The following ARSB variants were observed in gnomAD, a reference collection of about 807,000 sequenced individuals.
ARSB encodes the protein N-acetylgalactosamine-4-sulfatase.
Under a neutral mutation model 50.9 loss-of-function variants are expected in ARSB, and 41 were observed. That is an observed-to-expected ratio of 0.81 (90% CI 0.63 to 1.04). The LOEUF (loss-of-function observed/expected upper bound fraction) is 1.04. ARSB is among the 50% of genes least tolerant of loss of function. The pLI is 0.00. For missense variants in ARSB, 672 were observed against 693.3 expected, an observed-to-expected ratio of 0.97 and a Z score of 0.35; for synonymous variants, 269 against 284.8, an observed-to-expected ratio of 0.94 and a Z score of 0.56.
intron 4 of ARSB, among the ~76,000 whole-genome samples, chr5:78,940,723 C>T (rs1750872930): frequency 6.6e-6 from 1 of 152,266 alleles, no homozygotes; most frequent in Admixed American, 6.5e-5. Context: ...TAGTGTGATG[C>T]CTCCAGCTTT....
At chr5:78,854,632 C>A (rs75660712) in intron 5 of ARSB, among the ~76,000 whole-genome samples, 19,263 of 152,144 alleles carry the variant, frequency 0.13, 1,388 homozygotes, top group Middle Eastern at 0.21. Context: ...AAGGTTTTCT[C>A]TTGTTTCTCT....
At chr5:78,920,272 G>A (rs909628035) in intron 4 of ARSB, among the ~76,000 whole-genome samples, 6 of 152,174 alleles carry the variant, frequency 3.9e-5, no homozygotes, top group African/African-American at 1.4e-4. Flanking sequence ...GGCTGGATGC[G>A]GTGGCTCACA....
chr5:78,940,015 C>T (rs1260103536), intron 4 of ARSB, among the ~76,000 whole-genome samples: 1 of 152,196 alleles, frequency 6.6e-6, no homozygotes, highest in Non-Finnish European at 1.5e-5. Flanking sequence ...TTTTGTTTTG[C>T]ATTTCTCTGA....
intron 4 of ARSB, among the ~76,000 whole-genome samples, chr5:78,945,906 C>G (rs1347747208): frequency 6.6e-6 from 1 of 152,180 alleles, no homozygotes; most frequent in Non-Finnish European, 1.5e-5. Context: ...ACCCTGGGCT[C>G]TGAGAGGTGG....
At chr5:78,882,108 C>T (rs533410949) in intron 5 of ARSB, among the ~76,000 whole-genome samples, 9 of 152,218 alleles carry the variant, frequency 5.9e-5, no homozygotes, top group Admixed American at 2.0e-4. Flanking sequence ...GGGTTGGACC[C>T]GCTCTGGAAT....
At chr5:78,912,555 A>G (rs1387500743) in intron 4 of ARSB, among the ~76,000 whole-genome samples, 2 of 152,212 alleles carry the variant, frequency 1.3e-5, no homozygotes, top group African/African-American at 4.8e-5. Flanking sequence ...AGCACATTTC[A>G]GGGAAAAGCA....
chr5:78,834,635 A>G (rs953509716), intron 6 of ARSB, among the ~76,000 whole-genome samples: 2 of 131,300 alleles, frequency 1.5e-5, no homozygotes, highest in Non-Finnish European at 3.1e-5. Context: ...ATATATATAT[A>G]TATATATATA....
intron 6 of ARSB, among the ~76,000 whole-genome samples, chr5:78,829,752 A>C (rs893184401): frequency 6.6e-6 from 1 of 152,260 alleles, no homozygotes; most frequent in African/African-American, 2.4e-5. Flanking sequence ...AATTCTGACA[A>C]GATCAATAAA....
intron 5 of ARSB, among the ~76,000 whole-genome samples, chr5:78,853,528 G>C (rs1369792488): frequency 6.6e-6 from 1 of 152,248 alleles, no homozygotes; most frequent in African/African-American, 2.4e-5. Flanking sequence ...ACTTGAGGAG[G>C]CAGTCTGCCC....
chr5:78,897,585 A>G lies in ARSB; in HGVS notation c.899-11758T>C, dbSNP rs1428697691. The stretch of plus-strand genomic sequence containing the variant: ...TGTAAATGATATATATATAATCACA[A>G]AGTCAATTAATTGATTTACAAAGTA... On this transcript the variant is annotated intron_variant, in intron 4 of 7. Coordinates refer to ENST00000264914, the MANE Select transcript of ARSB (RefSeq NM_000046.5). Among the ~76,000 whole-genome samples, 6 of 152,146 alleles carry G rather than the reference A, an allele frequency of 3.9e-5. No homozygotes were observed. In the East Asian group the frequency reaches 1.2e-3, roughly 29 times the overall value.
Position 78,964,573 on chromosome 5 carries a change from TG to T in ARSB, c.532del (p.His178MetfsTer6). 6.2e-7 allele frequency: 1 copy of T among 1,613,916 alleles called. No individual in the cohort carries two copies. Among genetic ancestry groups the T allele is most frequent in the East Asian group, 2.2e-5 (1 of 44,882 alleles). ...YLLGSEDYYSHERCTLIDALN... is the reference protein window; with the variant it reads ...YLLGSEDYYSXERCTLIDALN... ...AGCGTCAATTAATGTACAGCGTTCA[TG>T]GGAATAATAATCTTCACTACCCAGG... On this transcript the variant is annotated frameshift_variant, in exon 3 of 8. Coordinates refer to ENST00000264914, the MANE Select transcript of ARSB (RefSeq NM_000046.5). LOFTEE classifies it high-confidence loss of function.
At position 78,960,007 on chromosome 5, in the gene ARSB, G is replaced by T. The variant is rs1052503981; in HGVS notation, c.690+4409C>A. 2.0e-5 allele frequency among the ~76,000 whole-genome samples: 3 copies of T among 152,158 alleles called. No individual in the cohort carries two copies. In the East Asian group the frequency reaches 5.8e-4, roughly 29 times the overall value. On this transcript the variant is annotated intron_variant, in intron 3 of 7. Coordinates refer to ENST00000264914, the MANE Select transcript of ARSB (RefSeq NM_000046.5). ...AAAGCCAGCAGCTGCCATCACTGGA[G>T]CCTGATCTCTCCCCTGCTTTTTCTT...
chr5:78,783,044 C>G (rs1748968792), intron 6 of ARSB, among the ~76,000 whole-genome samples: 1 of 152,142 alleles, frequency 6.6e-6, no homozygotes, highest in Non-Finnish European at 1.5e-5. Flanking sequence ...GGTGGGTCCA[C>G]AAGGGCCCTC....
intron 7 of ARSB, among the ~76,000 whole-genome samples, chr5:78,781,645 G>A (rs561135933): frequency 6.6e-6 from 1 of 152,312 alleles, no homozygotes; most frequent in South Asian, 2.1e-4. Context: ...AGTGAGGTAA[G>A]TGGTAGGGCT....
chr5:78,867,603 G>C (rs918506763), intron 5 of ARSB, among the ~76,000 whole-genome samples: 5 of 152,066 alleles, frequency 3.3e-5, no homozygotes, highest in African/African-American at 9.7e-5. Context: ...CTGCAGCTGA[G>C]GGTCCTGTCT....
At chr5:78,886,593 T>C (rs1021369495) in intron 4 of ARSB, among the ~76,000 whole-genome samples, 3 of 152,136 alleles carry the variant, frequency 2.0e-5, no homozygotes, top group Admixed American at 2.0e-4. Flanking sequence ...TGAAGTTAAG[T>C]ATCTTCCCAG....
chr5:78,905,646 G>A (rs1010693257), intron 4 of ARSB, among the ~76,000 whole-genome samples: 3 of 152,026 alleles, frequency 2.0e-5, no homozygotes, highest in African/African-American at 4.8e-5. Context: ...TTGAGTTTTC[G>A]AAGCCTCTGC....
In ARSB at chr5:78,859,687, A is replaced by C. The variant is rs145616379; in HGVS notation, c.1143-20261T>G. Among the ~76,000 whole-genome samples, 379 of 152,258 alleles carry C rather than the reference A, an allele frequency of 2.5e-3. 1 individual carries two copies. Among genetic ancestry groups the C allele is most frequent in the African/African-American group, 8.9e-3 (371 of 41,558 alleles). The stretch of plus-strand genomic sequence containing the variant: ...GATGGATTTGCTTTGCCTCCATCGA[A>C]TGATGGGACTCAGGGGCTATGCTAA... On this transcript the variant is annotated intron_variant, in intron 5 of 7. Transcript: ENST00000264914.
chr5:78,895,347 G>A (rs60104947), intron 4 of ARSB, among the ~76,000 whole-genome samples: 5,758 of 152,172 alleles, frequency 0.038, 365 homozygotes, highest in African/African-American at 0.13. Flanking sequence ...CCACACTGAC[G>A]TATATTGAAG....
Sources: allele counts gnomAD v4.1 joint callset (sites outside exome capture counted in the v4.1 genomes callset), GRCh38; gene constraint gnomAD v4.1.1; transcripts MANE v1.5; gene names NCBI Gene and HGNC (gene_info 2026-07-23, HGNC 2026-07-21).